MYO18B: variants seen among roughly 807,000 people sequenced by gnomAD.
The protein encoded by MYO18B is myosin XVIIIB, also known as unconventional myosin-XVIIIb.
A neutral mutation model predicts 273.0 loss-of-function variants in MYO18B; 204 were observed. That is an observed-to-expected ratio of 0.75 (90% CI 0.67 to 0.84). The LOEUF is 0.84. Among genes scored for constraint, MYO18B ranks in the 40% least tolerant of loss-of-function variants. MYO18B has a pLI of 0.00. For missense variants in MYO18B, 3,212 were observed against 3,287.6 expected (o/e 0.98, Z 0.56); for synonymous variants, 1,330 against 1,305.7 (o/e 1.02, Z -0.40).
At chr22:26,004,320 C>T (rs1018589060) in intron 41 of MYO18B, among the ~76,000 whole-genome samples, 1 of 152,186 alleles carries the variant, frequency 6.6e-6, no homozygotes, top group African/African-American at 2.4e-5. Context: ...AAGACCTTCA[C>T]ACTTGATATA....
At chr22:26,061,283 T>C in the MYO18B span, among the ~76,000 whole-genome samples, 1 of 152,214 alleles carries the variant, frequency 6.6e-6, no homozygotes, top group Admixed American at 6.5e-5. Context: ...ATTCCTGATT[T>C]TAAATCCATA....
At chr22:25,758,159 G>A (rs1403218948) in intron 1 of MYO18B, among the ~76,000 whole-genome samples, 6 of 152,048 alleles carry the variant, frequency 3.9e-5, no homozygotes, top group Admixed American at 6.6e-5. Flanking sequence ...GATTACAGGT[G>A]CCTGCCACCA....
intron 42 of MYO18B, among the ~76,000 whole-genome samples, chr22:26,021,990 C>T (rs761670): frequency 0.43 from 64,872 of 151,984 alleles, 14,523 homozygotes; most frequent in Non-Finnish European, 0.5. Flanking sequence ...CTGGCTCTTT[C>T]CCATAGCAGG....
At chr22:25,819,844 T>C (rs1489405383) in intron 12 of MYO18B, among the ~76,000 whole-genome samples, 1 of 151,770 alleles carries the variant, frequency 6.6e-6, no homozygotes, top group Non-Finnish European at 1.5e-5. Context: ...AGATTTTTAA[T>C]CTATAAAATG....
chr22:25,769,884 C>T (rs1349015718), intron 4 of MYO18B: 4 of 525,066 alleles, frequency 7.6e-6, no homozygotes, highest in Non-Finnish European at 1.4e-5. Flanking sequence ...GAGACGGAGT[C>T]TTGCTCTGTC....
chr22:25,742,959 G>C (rs1601569879), intron 1 of MYO18B, among the ~76,000 whole-genome samples: 1 of 152,232 alleles, frequency 6.6e-6, no homozygotes, highest in Admixed American at 6.5e-5. Flanking sequence ...CCCCATAGTG[G>C]GGCAGAAGGG....
At chr22:25,981,385 T>G (rs2093147112) in intron 39 of MYO18B, among the ~76,000 whole-genome samples, 1 of 152,242 alleles carries the variant, frequency 6.6e-6, no homozygotes, top group South Asian at 2.1e-4. Flanking sequence ...TCTGTGTCTC[T>G]GGCATTCACA....
chr22:25,967,081 C>T (rs564858635), intron 39 of MYO18B, among the ~76,000 whole-genome samples: 4 of 152,134 alleles, frequency 2.6e-5, no homozygotes, highest in Non-Finnish European at 5.9e-5. Context: ...ACAAATAATG[C>T]GCTGAGGCTC....
chr22:26,031,278 G>C (rs926174553), downstream of MYO18B, among the ~76,000 whole-genome samples: 1 of 152,064 alleles, frequency 6.6e-6, no homozygotes, highest in African/African-American at 2.4e-5. Context: ...GCTCCCACCC[G>C]TGGGAGGGAA....
At chr22:25,917,545 G>GGGGGTGTGT (rs1555944183) in intron 33 of MYO18B, among the ~76,000 whole-genome samples, 9 of 142,152 alleles carry the variant, frequency 6.3e-5, no homozygotes, top group Admixed American at 2.1e-4. Context: ...GCTTTGTAGG[G>GGGGGTGTGT]GTGTGTGTGT....
the MYO18B span, among the ~76,000 whole-genome samples, chr22:26,039,219 C>G: frequency 3.3e-5 from 5 of 152,178 alleles, no homozygotes; most frequent in African/African-American, 4.8e-5. Context: ...ATGTTAATCT[C>G]CTTTGGCAAC....
At chr22:25,856,381 A>G (rs771565844) in intron 21 of MYO18B, among the ~76,000 whole-genome samples, 27 of 152,220 alleles carry the variant, frequency 1.8e-4, no homozygotes, top group Non-Finnish European at 3.8e-4. Flanking sequence ...TCGTTACAGG[A>G]CATGCCATTC....
At chr22:26,041,875 C>T in the MYO18B span, among the ~76,000 whole-genome samples, 1 of 152,210 alleles carries the variant, frequency 6.6e-6, no homozygotes, top group African/African-American at 2.4e-5. Flanking sequence ...GACCTCCTGG[C>T]AGGTGACATG....
At chr22:26,028,887 C>CAAAAAAAAAAAA (rs554144546) in intron 43 of MYO18B, among the ~76,000 whole-genome samples, 1 of 75,694 alleles carries the variant, frequency 1.3e-5, no homozygotes. Context: ...GACTCCGTCT[C>CAAAAAAAAAAAA]AAAAAAAAAA....
chr22:26,002,864 G>T (rs1934088069), intron 40 of MYO18B, among the ~76,000 whole-genome samples: 1 of 152,110 alleles, frequency 6.6e-6, no homozygotes, highest in Admixed American at 6.5e-5. Flanking sequence ...AAGCTGCCCT[G>T]CTCCATGTCT....
intron 22 of MYO18B, among the ~76,000 whole-genome samples, chr22:25,868,657 C>T (rs543439420): frequency 6.6e-6 from 1 of 152,300 alleles, no homozygotes; most frequent in Non-Finnish European, 1.5e-5. Context: ...GCATTCTGGT[C>T]CTCAAGATGA....
intron 6 of MYO18B, among the ~76,000 whole-genome samples, chr22:25,771,627 C>T (rs1026320025): frequency 6.6e-6 from 1 of 152,120 alleles, no homozygotes; most frequent in Non-Finnish European, 1.5e-5. Context: ...TGCTCCTCCT[C>T]TGCCCACCTC....
rs770276315 is a variant in MYO18B at position 25,798,098 on chromosome 22, G to T, written c.2521+1G>T. 1 of 1,601,758 alleles carries T rather than the reference G, an allele frequency of 6.2e-7. No individual in the cohort carries two copies. The highest frequency in any genetic ancestry group is 1.1e-5 in the South Asian group (1 of 90,568). On this transcript the variant is annotated splice_donor_variant, in intron 12 of 43. Transcript: ENST00000335473. LOFTEE classifies it high-confidence loss of function. ...CTGGGTGCGGCGGGGGCCTGCAAAG[G>T]TACGTCCTTCCTGCCGGGCTCACCT...
intron 12 of MYO18B, among the ~76,000 whole-genome samples, chr22:25,821,786 A>G (rs889050202): frequency 1.1e-4 from 16 of 152,216 alleles, no homozygotes; most frequent in African/African-American, 3.6e-4. Context: ...AAAACAAAAC[A>G]GAACAAAACA....
Sources: allele counts gnomAD v4.1 joint callset (sites outside exome capture counted in the v4.1 genomes callset), GRCh38; gene constraint gnomAD v4.1.1; transcripts MANE v1.5; gene names NCBI Gene and HGNC (gene_info 2026-07-23, HGNC 2026-07-21).